The following WWC2 variants were observed in gnomAD, a reference collection of about 807,000 sequenced individuals.
The protein encoded by WWC2 is protein WWC2.
A neutral mutation model predicts 138.5 loss-of-function variants in WWC2; 101 were observed. The ratio of observed to expected loss-of-function variants is 0.73; its 90% CI spans 0.62 to 0.86. WWC2 has a LOEUF of 0.86. WWC2 is among the 40% of genes least tolerant of loss of function. The pLI, the probability that WWC2 is intolerant of heterozygous loss-of-function variation, is 0.00. For synonymous variants in WWC2, 558 were observed against 538.4 expected (o/e 1.04, Z -0.50); for missense variants, 1,420 against 1,419.4 (o/e 1.00, Z -0.01).
At chr4:183,227,790 C>T (rs1736114442) in intron 4 of WWC2, among the ~76,000 whole-genome samples, 1 of 151,966 alleles carries the variant, frequency 6.6e-6, no homozygotes, top group South Asian at 2.1e-4. Flanking sequence ...ATGTTATACA[C>T]AGCAAAACAT....
At chr4:183,196,388 G>C (rs772187826) in intron 2 of WWC2, among the ~76,000 whole-genome samples, 1 of 152,180 alleles carries the variant, frequency 6.6e-6, no homozygotes, top group South Asian at 2.1e-4. Context: ...GTTCACATAC[G>C]TGACCACACC....
chr4:183,239,831 C>T (rs182092538), intron 4 of WWC2, among the ~76,000 whole-genome samples: 1 of 152,208 alleles, frequency 6.6e-6, no homozygotes, highest in Admixed American at 6.5e-5. Context: ...GGGCAGTGGC[C>T]CTTGGCACAG....
chr4:183,283,110 C>G (rs1377905371), intron 18 of WWC2, among the ~76,000 whole-genome samples: 2 of 152,126 alleles, frequency 1.3e-5, no homozygotes, highest in Non-Finnish European at 2.9e-5. Context: ...ATATTCTCCA[C>G]TTATATTTGG....
rs552682594 is a variant in WWC2, at chr4:183,111,157, G to A, written c.131+11535G>A. The stretch of plus-strand genomic sequence containing the variant: ...CGGGAGGCTGAGGCAGGAGAATGGC[G>A]TGAATCCAGGAGGCGGAGCTTGCAG... On this transcript the variant is annotated intron_variant, in intron 1 of 22. Coordinates refer to ENST00000403733, the MANE Select transcript of WWC2 (RefSeq NM_024949.6). Among the ~76,000 whole-genome samples the A allele has an allele frequency of 5.9e-5, 9 of 152,252 alleles. 1 individual carries two copies. Among genetic ancestry groups the A allele is most frequent in the East Asian group, 5.8e-4 (3 of 5,184 alleles).
rs541861668 is a variant in WWC2, at chr4:183,136,196, T to C, written c.131+36574T>C. Among the ~76,000 whole-genome samples the C allele has an allele frequency of 2.6e-5, 4 of 152,228 alleles. No individual in the cohort carries two copies. The South Asian group carries it at 6.2e-4, about 24-fold the overall frequency. On this transcript the variant is annotated intron_variant, in intron 1 of 22. Transcript: ENST00000403733. ...GCTTTACATAGTATCTCTTTACATA[T>C]TGCCTCTCTCCCATTCTCTCTTTCT...
At chr4:183,228,510 C>G in intron 4 of WWC2, among the ~76,000 whole-genome samples, 1 of 152,070 alleles carries the variant, frequency 6.6e-6, no homozygotes, top group South Asian at 2.1e-4. Context: ...TTAGCACATT[C>G]AGGAAAACTG....
intron 1 of WWC2, among the ~76,000 whole-genome samples, chr4:183,110,767 G>T (rs1296504120): frequency 6.6e-6 from 1 of 152,156 alleles, no homozygotes; most frequent in Non-Finnish European, 1.5e-5. Flanking sequence ...TTGTGAAAAT[G>T]AGTATGTCAA....
chr4:183,174,828 GCTCTCT>G (rs758370577), intron 1 of WWC2, among the ~76,000 whole-genome samples: 4 of 145,944 alleles, frequency 2.7e-5, no homozygotes, highest in African/African-American at 1.0e-4. Context: ...TCTCTTTTGC[GCTCTCT>G]CTCTCTCTGT....
chr4:183,139,957 T>C (rs1055376141), intron 1 of WWC2, among the ~76,000 whole-genome samples: 30 of 152,084 alleles, frequency 2.0e-4, no homozygotes, highest in Non-Finnish European at 4.4e-5. Context: ...GGATCATAGG[T>C]GCACACCTCG....
intron 2 of WWC2, among the ~76,000 whole-genome samples, chr4:183,202,512 C>T (rs898331076): frequency 8.5e-5 from 13 of 152,140 alleles, no homozygotes; most frequent in African/African-American, 2.7e-4. Context: ...GATTGTTTTT[C>T]GGTCTCATCT....
intron 1 of WWC2, among the ~76,000 whole-genome samples, chr4:183,189,127 C>T (rs1034255601): frequency 2.0e-5 from 3 of 151,958 alleles, no homozygotes; most frequent in Admixed American, 6.6e-5. Flanking sequence ...GCTAGTTTCC[C>T]TATCTAGTGA....
chr4:183,133,926 G>T (rs1733027882), intron 1 of WWC2, among the ~76,000 whole-genome samples: 1 of 152,204 alleles, frequency 6.6e-6, no homozygotes, highest in Admixed American at 6.5e-5. Flanking sequence ...GGTTGAACAA[G>T]CCCATAAAAG....
Position 183,259,667 on chromosome 4 carries a change from C to A in WWC2, c.1225C>A (p.Leu409Met). 1 of 1,545,824 alleles carries A rather than the reference C, an allele frequency of 6.5e-7. No homozygotes were observed. Residue 409 changes from leucine (L) to methionine (M), a missense_variant, in exon 10 of 23, where the codon CTG (leucine) becomes ATG (methionine). Coordinates refer to ENST00000403733, the MANE Select transcript of WWC2 (RefSeq NM_024949.6). ...GAGATTGGAAGAGAGAAGAAAAGAG[C>A]TGCTACAGAAACTTGAAGAAACTAC... ...RLRLEERRKE[L>M]LQKLEETTKL...
chr4:183,281,332 C>T lies in WWC2; in HGVS notation c.2684+435C>T, dbSNP rs1361425245. The T allele has an allele frequency of 2.3e-5, 4 of 175,572 alleles. No individual in the cohort carries two copies. In the East Asian group the frequency reaches 6.1e-4, roughly 27 times the overall value. 10.9% of individuals were successfully genotyped at this position (175,572 alleles called of 1,614,324 possible). The stretch of plus-strand genomic sequence containing the variant: ...CTGAGTACTCATTTCTCTGTTACCA[C>T]TCTTACCTTCTTTTTCTGTGTCCTT... On this transcript the variant is annotated intron_variant, in intron 17 of 22. Coordinates refer to ENST00000403733, the MANE Select transcript of WWC2 (RefSeq NM_024949.6).
rs764317756 is a variant in WWC2, at chr4:183,259,748, G to T, written c.1286+20G>T. ...TAAAAGGTGAGCTTATCAGATTTTT[G>T]AGGGGAAAGCTTTTCTCCGAATAGC... On this transcript the variant is annotated intron_variant, in intron 10 of 22. Coordinates refer to ENST00000403733, the MANE Select transcript of WWC2 (RefSeq NM_024949.6). 2.5e-5 allele frequency: 37 copies of T among 1,490,878 alleles called. No individual in the cohort carries two copies. The Middle Eastern group carries it at 5.1e-4, about 21-fold the overall frequency. The allele number at this position is 1,490,878 out of a possible 1,614,324, so 92.4% of individuals were successfully genotyped here. A position where few individuals can be genotyped will look rare whatever the true frequency, so the allele number is the denominator to read the frequency against.
Position 183,281,009 on chromosome 4 carries a change from C to G in WWC2, c.2684+112C>G. 2.9e-6 allele frequency: 4 copies of G among 1,396,330 alleles called. No individual in the cohort carries two copies. The African/African-American group carries it at 6.0e-5, about 21-fold the overall frequency. 86.5% of individuals were successfully genotyped at this position (1,396,330 alleles called of 1,614,324 possible). Reference sequence around the variant, plus strand: ...TATTCCAGAATGATGGAATGCACTGCACCTTCAGGAAGCTGTGCTAGGAAA... The same window carrying G: ...TATTCCAGAATGATGGAATGCACTGGACCTTCAGGAAGCTGTGCTAGGAAA... On this transcript the variant is annotated intron_variant, in intron 17 of 22. Transcript: ENST00000403733.
rs752757038 is a variant in WWC2, at chr4:183,280,790, C to T, written c.2577C>T (p.Ala859=). 2 of 1,604,320 alleles carry T rather than the reference C, an allele frequency of 1.2e-6. No homozygotes were observed. The highest frequency in any genetic ancestry group is 1.7e-6 in the Non-Finnish European group (2 of 1,175,364). The change falls in exon 17 of 23, where the codon GCC becomes GCT. Residue 859 remains alanine (A), a synonymous_variant. Transcript: ENST00000403733. The stretch of plus-strand genomic sequence containing the variant: ...ACATTCTTCAGGATGCAGTGTCAGC[C>T]TTACTTGCAAGAACATCAGCTGAGT... ...VDSIDLDAVS[A]LLARTSAELL...
At chr4:183,192,909 GT>G (rs1735029214) in intron 1 of WWC2, among the ~76,000 whole-genome samples, 1 of 152,144 alleles carries the variant, frequency 6.6e-6, no homozygotes, top group African/African-American at 2.4e-5. Context: ...TTAGGAAACT[GT>G]GTGGTTTCTT....
At chr4:183,271,296 A>T in intron 16 of WWC2, 55 bp downstream of exon 16, 12 of 1,340,428 alleles carry the variant, frequency 9.0e-6, no homozygotes, top group East Asian at 2.6e-5. Context: ...TATATGAAAT[A>T]CATATATGAA....
Sources: gnomAD v4.1 joint callset for allele counts (sites outside exome capture counted in the v4.1 genomes callset) on GRCh38, gnomAD v4.1.1 for gene constraint, MANE v1.5 for transcripts, NCBI Gene and HGNC (gene_info 2026-07-23, HGNC 2026-07-21) for gene names.